Variants in TMEM117 observed in about 807,000 individuals in gnomAD.
The protein encoded by TMEM117 is transmembrane protein 117.
A neutral mutation model predicts 52.4 loss-of-function variants in TMEM117; 27 were observed. The observed-to-expected ratio is 0.51, with a 90% CI of 0.38 to 0.71. TMEM117 has a LOEUF of 0.71. TMEM117 is among the 30% of genes least tolerant of loss of function. TMEM117 has a pLI of 0.00. For synonymous variants in TMEM117, 215 were observed against 206.3 expected, an observed-to-expected ratio of 1.04 and a Z score of -0.36; for missense variants, 556 against 630.5, an observed-to-expected ratio of 0.88 and a Z score of 1.26.
intron 4 of TMEM117, among the ~76,000 whole-genome samples, chr12:44,169,805 A>C (rs1342841187): frequency 1.3e-5 from 2 of 152,176 alleles, no homozygotes; most frequent in African/African-American, 4.8e-5. Flanking sequence ...CAGGTGCTGG[A>C]GAGGACGTGG....
chr12:43,895,440 A>ATAG (rs1944182487), intron 2 of TMEM117, among the ~76,000 whole-genome samples: 1 of 152,146 alleles, frequency 6.6e-6, no homozygotes. Flanking sequence ...GCTATTGTGA[A>ATAG]TAGTGCAGCA....
At chr12:44,374,642 G>GTGTT (rs1287400614) in intron 6 of TMEM117, among the ~76,000 whole-genome samples, 5 of 151,688 alleles carry the variant, frequency 3.3e-5, no homozygotes, top group African/African-American at 1.2e-4. Flanking sequence ...GTGTGTGTGT[G>GTGTT]TGTGTGTGTG....
intron 3 of TMEM117, among the ~76,000 whole-genome samples, chr12:44,098,510 C>G (rs1172314876): frequency 6.6e-6 from 1 of 152,038 alleles, no homozygotes; most frequent in African/African-American, 2.4e-5. Flanking sequence ...ATACCAGAGT[C>G]AAGCAAATAT....
intron 3 of TMEM117, among the ~76,000 whole-genome samples, chr12:43,998,301 A>G (rs916562108): frequency 2.6e-5 from 4 of 152,234 alleles, no homozygotes; most frequent in Non-Finnish European, 5.9e-5. Context: ...AGCCAAGAAT[A>G]TAACTTTCTT....
At chr12:43,858,091 T>A (rs1270020347) in intron 2 of TMEM117, among the ~76,000 whole-genome samples, 2 of 152,146 alleles carry the variant, frequency 1.3e-5, no homozygotes, top group Non-Finnish European at 2.9e-5. Context: ...TATATCTGAT[T>A]TTGAGTATCA....
At position 44,358,329 on chromosome 12, in the gene TMEM117, A is replaced by C. The variant is rs551069538; in HGVS notation, c.769-18266A>C. On this transcript the variant is annotated intron_variant, in intron 6 of 7. Transcript: ENST00000266534. ...ACCCATGAATATAAAAGTTGAAATT[A>C]ATTTTAAAATGAAATAAAATAAAAT... 2.1e-3 allele frequency among the ~76,000 whole-genome samples: 320 copies of C among 152,264 alleles called. 1 individual carries two copies. Among genetic ancestry groups the C allele is most frequent in the African/African-American group, 7.3e-3 (305 of 41,570 alleles).
the TMEM117 span, chr12:43,805,862 C>G: frequency 4.9e-6 from 7 of 1,423,578 alleles, no homozygotes; most frequent in Non-Finnish European, 6.6e-6. Flanking sequence ...AAGCCCCAGT[C>G]GCCTCCACTG....
intron 3 of TMEM117, among the ~76,000 whole-genome samples, chr12:44,056,251 C>T (rs1947052948): frequency 6.6e-6 from 1 of 152,068 alleles, no homozygotes; most frequent in African/African-American, 2.4e-5. Context: ...ATTGTATACA[C>T]ATTTGAAAGC....
chr12:44,068,500 C>T (rs893786206), intron 3 of TMEM117, among the ~76,000 whole-genome samples: 2 of 152,026 alleles, frequency 1.3e-5, no homozygotes, highest in African/African-American at 4.8e-5. Flanking sequence ...TATTAGTTGG[C>T]CTAATTTCAC....
chr12:43,975,893 A>T (rs1945663253), intron 3 of TMEM117, among the ~76,000 whole-genome samples: 1 of 152,166 alleles, frequency 6.6e-6, no homozygotes, highest in Admixed American at 6.5e-5. Flanking sequence ...CACTGAAAAG[A>T]CTGATAGCTG....
chr12:43,988,690 G>A lies in TMEM117; in HGVS notation c.410+44348G>A, dbSNP rs574719780. On this transcript the variant is annotated intron_variant, in intron 3 of 7. Transcript: ENST00000266534. Reference sequence around the variant, plus strand: ...TATTTGGGTGATGGATACCCTAAAAGCCTCTGATTTCACCACGCTGCACTG... The same window carrying A: ...TATTTGGGTGATGGATACCCTAAAAACCTCTGATTTCACCACGCTGCACTG... 1.6e-3 allele frequency among the ~76,000 whole-genome samples: 238 copies of A among 152,086 alleles called. 3 individuals are homozygous for A. The highest frequency in any genetic ancestry group is 2.9e-3 in the Non-Finnish European group (200 of 67,910).
intron 1 of TMEM117, among the ~76,000 whole-genome samples, chr12:43,842,850 G>A (rs1175378082): frequency 6.6e-6 from 1 of 152,082 alleles, no homozygotes; most frequent in Admixed American, 6.6e-5. Context: ...TTTAAGGGAT[G>A]GCATCCCTGG....
At chr12:44,228,452 C>G (rs766054129) in intron 5 of TMEM117, among the ~76,000 whole-genome samples, 6 of 152,220 alleles carry the variant, frequency 3.9e-5, no homozygotes, top group Non-Finnish European at 7.4e-5. Context: ...GATAAAGTAC[C>G]TTCTGTCAGG....
chr12:44,053,039 CT>C (rs890797022), intron 3 of TMEM117, among the ~76,000 whole-genome samples: 3 of 152,180 alleles, frequency 2.0e-5, no homozygotes, highest in African/African-American at 7.2e-5. Flanking sequence ...CCTTTAAGGT[CT>C]TTTTTGGTGG....
At chr12:44,116,348 C>T (rs772845159) in intron 3 of TMEM117, among the ~76,000 whole-genome samples, 1 of 151,996 alleles carries the variant, frequency 6.6e-6, no homozygotes, top group African/African-American at 2.4e-5. Context: ...ATTATGACCT[C>T]AATTTCCTTT....
chr12:44,169,071 G>A (rs78826796), intron 4 of TMEM117, among the ~76,000 whole-genome samples: 7,495 of 152,170 alleles, frequency 0.049, 601 homozygotes, highest in African/African-American at 0.17. Context: ...TATTTTGTAT[G>A]TATACTAAAT....
intron 6 of TMEM117, among the ~76,000 whole-genome samples, chr12:44,348,317 G>T (rs767620923): frequency 2.6e-5 from 4 of 151,094 alleles, no homozygotes; most frequent in Non-Finnish European, 4.4e-5. Flanking sequence ...GGTGGGAAAA[G>T]GGACCCATTC....
chr12:44,188,281 C>G (rs1949305098), intron 4 of TMEM117, among the ~76,000 whole-genome samples: 1 of 152,142 alleles, frequency 6.6e-6, no homozygotes, highest in Non-Finnish European at 1.5e-5. Flanking sequence ...CTTTGCCTTT[C>G]TGCTTATCTT....
chr12:44,226,573 T>TA (rs1949864535), intron 5 of TMEM117, among the ~76,000 whole-genome samples: 1 of 151,892 alleles, frequency 6.6e-6, no homozygotes, highest in East Asian at 1.9e-4. Context: ...ATCCCCCAAA[T>TA]TCACATGTTG....
Sources: allele counts gnomAD v4.1 joint callset (sites outside exome capture counted in the v4.1 genomes callset), GRCh38; gene constraint gnomAD v4.1.1; transcripts MANE v1.5; gene names NCBI Gene and HGNC (gene_info 2026-07-23, HGNC 2026-07-21).